AVL9: variants seen among roughly 807,000 people sequenced by gnomAD.
AVL9 encodes the protein late secretory pathway protein AVL9 homolog.
In AVL9, 49 loss-of-function variants were observed where a neutral mutation model predicts 79.2. The ratio of observed to expected loss-of-function variants is 0.62; its 90% confidence interval spans 0.49 to 0.79. AVL9 has a LOEUF of 0.79. Among genes scored for constraint, AVL9 ranks in the 30% least tolerant of loss-of-function variants. The pLI is 0.00. For synonymous variants in AVL9, 299 were observed against 280.6 expected, an observed-to-expected ratio of 1.07 and a Z score of -0.65; for missense variants, 682 against 776.8, an observed-to-expected ratio of 0.88 and a Z score of 1.45.
intron 9 of AVL9, 85 bp from the exon 10 acceptor site, chr7:32,558,844 T>G (rs1790198751): frequency 3.0e-5 from 38 of 1,258,990 alleles, no homozygotes; most frequent in Non-Finnish European, 3.3e-6. Flanking sequence ...TTATTAAATT[T>G]TATAGGGGAG....
In AVL9 at chr7:32,579,493, ACATAT is replaced by A. The variant is rs1288529199; in HGVS notation, c.1689-725_1689-721del. On this transcript the variant is annotated intron_variant, in intron 13 of 15. Coordinates refer to ENST00000318709, the MANE Select transcript of AVL9 (RefSeq NM_015060.3). ...TATATTATATTATATATAATATATT[ACATAT>A]TATATATTATATATTATATTATATA... Among the ~76,000 whole-genome samples the A allele has an allele frequency of 2.3e-3, 8 of 3,450 alleles. 2 individuals are homozygous for A. The highest frequency in any genetic ancestry group is 9.8e-3 in the East Asian group (2 of 204). The allele number at this position is 3,450 out of a possible 152,430, so 2.3% of individuals were successfully genotyped here.
At chr7:32,582,672 A>T (rs566304147) in intron 15 of AVL9, among the ~76,000 whole-genome samples, 10 of 152,256 alleles carry the variant, frequency 6.6e-5, no homozygotes, top group African/African-American at 2.4e-4. Context: ...AGTCAACTTA[A>T]ATAATTTCAC....
intron 1 of AVL9, among the ~76,000 whole-genome samples, chr7:32,496,816 G>A (rs1160582295): frequency 6.6e-6 from 1 of 152,190 alleles, no homozygotes; most frequent in African/African-American, 2.4e-5. Flanking sequence ...GTGTTTGTGC[G>A]TAATTTTGAA....
At chr7:32,542,615 T>G (rs980226125) in intron 1 of AVL9, among the ~76,000 whole-genome samples, 5 of 152,122 alleles carry the variant, frequency 3.3e-5, no homozygotes, top group East Asian at 1.9e-4. Context: ...GACAAAAATT[T>G]TAAATCATTT....
chr7:32,552,825 T>A (rs1033584622), intron 6 of AVL9, among the ~76,000 whole-genome samples: 68 of 152,156 alleles, frequency 4.5e-4, no homozygotes, highest in African/African-American at 1.6e-3. Flanking sequence ...TTATTGTTTT[T>A]TCTTTTCTTT....
intron 1 of AVL9, chr7:32,533,352 C>T (rs1190942790): frequency 2.0e-5 from 3 of 152,108 alleles, no homozygotes; most frequent in Admixed American, 1.3e-4. Flanking sequence ...TGGTAAGTCT[C>T]AAAAGTACCA....
At chr7:32,534,074 A>G (rs1372447135) in intron 1 of AVL9, 1 of 152,210 alleles carries the variant, frequency 6.6e-6, no homozygotes, top group Non-Finnish European at 1.5e-5. Flanking sequence ...AAGCATGGTA[A>G]TTTTTATTAC....
At chr7:32,505,395 T>C (rs35569935) in intron 1 of AVL9, among the ~76,000 whole-genome samples, 115,240 of 150,998 alleles carry the variant, frequency 0.76, 44,681 homozygotes, top group African/African-American at 0.9. Flanking sequence ...ATGTAGCAGG[T>C]GTCTGTAATC....
chr7:32,501,139 A>T (rs1787111607), intron 1 of AVL9, among the ~76,000 whole-genome samples: 1 of 152,168 alleles, frequency 6.6e-6, no homozygotes, highest in South Asian at 2.1e-4. Flanking sequence ...AAATTTAGAA[A>T]TGGGTTGATA....
At chr7:32,575,281 CAG>C (rs1338791430) in intron 12 of AVL9, among the ~76,000 whole-genome samples, 1 of 151,982 alleles carries the variant, frequency 6.6e-6, no homozygotes, top group African/African-American at 2.4e-5. Flanking sequence ...GTATTTCTGG[CAG>C]AGACAGGGTT....
intron 13 of AVL9, among the ~76,000 whole-genome samples, chr7:32,579,428 A>T (rs1200017149): frequency 0.023 from 75 of 3,282 alleles, 24 homozygotes; most frequent in African/African-American, 0.049. Context: ...TATATATATA[A>T]TATATATATT....
chr7:32,542,364 A>G lies in AVL9; in HGVS notation c.94-777A>G, dbSNP rs1003050418. Among the ~76,000 whole-genome samples the G allele has an allele frequency of 9.2e-4, 129 of 140,558 alleles. 2 individuals carry two copies. The highest frequency in any genetic ancestry group is 4.2e-4 in the Non-Finnish European group (28 of 66,052). 92.2% of individuals were successfully genotyped at this position (140,558 alleles called of 152,430 possible). ...AGACTAGCCTGGCCAACGTGGTGAAACCCTGTCTCTAGTAAAAATACAAAA... is the reference window on the plus strand; with the variant it reads ...AGACTAGCCTGGCCAACGTGGTGAAGCCCTGTCTCTAGTAAAAATACAAAA... On this transcript the variant is annotated intron_variant, in intron 1 of 15. Transcript: ENST00000318709.
rs982180958 is a variant in AVL9 at position 32,585,168 on chromosome 7, T to C, written c.*1261T>C. On this transcript the variant is annotated 3_prime_UTR_variant, in exon 16 of 16. Coordinates refer to ENST00000318709, the MANE Select transcript of AVL9 (RefSeq NM_015060.3). ...CTTTTCAAAGCACTTAGTCTTCTAC[T>C]TCCCTAACTGAAAGTCCTCCTATAA... 2 of 152,232 alleles carry C rather than the reference T, an allele frequency of 1.3e-5. No individual in the cohort carries two copies. Among genetic ancestry groups the C allele is most frequent in the African/African-American group, 4.8e-5 (2 of 41,466 alleles). 9.4% of individuals were successfully genotyped at this position (152,232 alleles called of 1,614,324 possible).
intron 10 of AVL9, among the ~76,000 whole-genome samples, chr7:32,563,177 G>A (rs1790404422): frequency 6.6e-6 from 1 of 151,980 alleles, no homozygotes; most frequent in African/African-American, 2.4e-5. Flanking sequence ...GACTACAGGT[G>A]CCCATCACTC....
chr7:32,556,209 C>T (rs1344370406), intron 8 of AVL9, among the ~76,000 whole-genome samples: 1 of 152,008 alleles, frequency 6.6e-6, no homozygotes, highest in Non-Finnish European at 1.5e-5. Context: ...TCCTATTTTT[C>T]TATAAGAAAT....
intron 1 of AVL9, among the ~76,000 whole-genome samples, chr7:32,542,211 A>G (rs1327813666): frequency 6.7e-6 from 1 of 149,450 alleles, no homozygotes; most frequent in Non-Finnish European, 1.5e-5. Context: ...GTGTCTTTAA[A>G]CATTTTAAAT....
intron 10 of AVL9, among the ~76,000 whole-genome samples, chr7:32,564,969 C>T (rs1167888556): frequency 6.6e-6 from 1 of 152,130 alleles, no homozygotes; most frequent in Non-Finnish European, 1.5e-5. Flanking sequence ...AAAAAGATAA[C>T]GAGGAAGATA....
In AVL9 at chr7:32,586,385, G is replaced by A. The variant is rs1489030160; in HGVS notation, c.*2478G>A. The A allele has an allele frequency of 6.6e-6, 1 of 152,012 alleles. No homozygotes were observed. Among genetic ancestry groups the A allele is most frequent in the Non-Finnish European group, 1.5e-5 (1 of 68,020 alleles). 9.4% of individuals were successfully genotyped at this position (152,012 alleles called of 1,614,324 possible). On this transcript the variant is annotated 3_prime_UTR_variant, in exon 16 of 16. Coordinates refer to ENST00000318709, the MANE Select transcript of AVL9 (RefSeq NM_015060.3). Reference sequence around the variant, plus strand: ...GAGGTGGAGTTTTTCAAGGAACACTGGCTGTTGTATTGTTGGCAGGGGCCC... The same window carrying A: ...GAGGTGGAGTTTTTCAAGGAACACTAGCTGTTGTATTGTTGGCAGGGGCCC...
chr7:32,540,676 C>A (rs1789138934), intron 1 of AVL9, among the ~76,000 whole-genome samples: 1 of 152,062 alleles, frequency 6.6e-6, no homozygotes, highest in Admixed American at 6.6e-5. Context: ...ATTTTGTTAT[C>A]TTAATTATCT....
Sources: allele counts gnomAD v4.1 joint callset (sites outside exome capture counted in the v4.1 genomes callset), GRCh38; gene constraint gnomAD v4.1.1; transcripts MANE v1.5; gene names NCBI Gene and HGNC (gene_info 2026-07-23, HGNC 2026-07-21).